STXBP5L: variants seen among roughly 807,000 people sequenced by gnomAD.
STXBP5L encodes the protein syntaxin binding protein 5L.
In STXBP5L, 65 loss-of-function variants were observed where a neutral mutation model predicts 144.5. The observed-to-expected ratio is 0.45, with a 90% CI of 0.37 to 0.55. The LOEUF (loss-of-function observed/expected upper bound fraction) is 0.55. Ranked by LOEUF, STXBP5L falls within the 20% of genes least tolerant of loss-of-function variation. STXBP5L has a pLI of 0.00. For synonymous variants in STXBP5L, 505 were observed against 469.6 expected, an observed-to-expected ratio of 1.08 and a Z score of -0.97; for missense variants, 1,298 against 1,405.5, an observed-to-expected ratio of 0.92 and a Z score of 1.22.
At chr3:121,272,009 G>C (rs187292341) in intron 18 of STXBP5L, among the ~76,000 whole-genome samples, 1 of 152,190 alleles carries the variant, frequency 6.6e-6, no homozygotes, top group Non-Finnish European at 1.5e-5. Flanking sequence ...AAAGGTACTT[G>C]ATATGATTTC....
intron 9 of STXBP5L, among the ~76,000 whole-genome samples, chr3:121,179,979 G>A (rs2047080097): frequency 6.6e-6 from 1 of 152,134 alleles, no homozygotes; most frequent in Non-Finnish European, 1.5e-5. Flanking sequence ...TGTTCCTGAG[G>A]AAGAATAGAA....
chr3:121,078,354 T>C (rs1198021653), intron 5 of STXBP5L, among the ~76,000 whole-genome samples: 7 of 152,130 alleles, frequency 4.6e-5, no homozygotes. Flanking sequence ...TGCTGATTGG[T>C]GTGTTTACAA....
intron 3 of STXBP5L, among the ~76,000 whole-genome samples, chr3:121,001,488 C>A (rs947657326): frequency 9.2e-5 from 14 of 152,180 alleles, no homozygotes; most frequent in African/African-American, 3.4e-4. Context: ...GGATGGGTAT[C>A]CCTGGCTGTG....
At chr3:121,122,750 A>G (rs1412991573) in intron 7 of STXBP5L, among the ~76,000 whole-genome samples, 2 of 151,492 alleles carry the variant, frequency 1.3e-5, no homozygotes, top group African/African-American at 2.4e-5. Flanking sequence ...AAAGTATTCA[A>G]AGATGCTTGT....
At chr3:121,196,079 G>A (rs2047907282) in intron 9 of STXBP5L, among the ~76,000 whole-genome samples, 2 of 151,384 alleles carry the variant, frequency 1.3e-5, no homozygotes, top group African/African-American at 4.9e-5. Context: ...TTCTATTTCT[G>A]TAGAGTATTT....
chr3:121,372,314 G>C (rs977807942), intron 20 of STXBP5L, among the ~76,000 whole-genome samples: 1 of 152,176 alleles, frequency 6.6e-6, no homozygotes, highest in Admixed American at 6.5e-5. Context: ...AGGCCTCACA[G>C]TTTCCCTAGG....
intron 5 of STXBP5L, among the ~76,000 whole-genome samples, chr3:121,075,752 C>G (rs1244787119): frequency 6.6e-6 from 1 of 152,158 alleles, no homozygotes; most frequent in Admixed American, 6.5e-5. Flanking sequence ...AGGAGTGCCT[C>G]TTGATACTGC....
intron 3 of STXBP5L, among the ~76,000 whole-genome samples, chr3:120,971,797 CACAT>C (rs1940298069): frequency 1.3e-5 from 2 of 150,988 alleles, no homozygotes; most frequent in African/African-American, 4.9e-5. Flanking sequence ...TATATATACA[CACAT>C]ATATATATAT....
chr3:121,400,133 G>A (rs573118989), intron 22 of STXBP5L, among the ~76,000 whole-genome samples: 83 of 152,284 alleles, frequency 5.5e-4, no homozygotes, highest in Middle Eastern at 3.4e-3. Flanking sequence ...TTTATCTTTT[G>A]ATGTATGCTT....
chr3:121,343,341 A>G (rs2044808475), intron 20 of STXBP5L, among the ~76,000 whole-genome samples: 1 of 152,092 alleles, frequency 6.6e-6, no homozygotes, highest in African/African-American at 2.4e-5. Context: ...GAAGCTCTTT[A>G]CAGGGATGCC....
rs560637233 is a variant in STXBP5L, at chr3:121,014,996, A to T, written c.288-26704A>T. ...CTCTATACTGAAAATTATAAAACAC[A>T]GCAGATAGAAATTATAGAAGACTGA... On this transcript the variant is annotated intron_variant, in intron 3 of 26. Coordinates refer to ENST00000471454, the MANE Select transcript of STXBP5L (RefSeq NM_001308330.2). 6.6e-4 allele frequency among the ~76,000 whole-genome samples: 101 copies of T among 152,248 alleles called. 1 individual carries two copies. Among genetic ancestry groups the T allele is most frequent in the Admixed American group, 2.3e-3 (35 of 15,274 alleles).
intron 5 of STXBP5L, among the ~76,000 whole-genome samples, chr3:121,050,115 T>G (rs1947847308): frequency 2.6e-5 from 4 of 152,118 alleles, no homozygotes. Context: ...CCCTGATAAA[T>G]CCCCATGTTT....
At chr3:120,980,623 A>G (rs1297714142) in intron 3 of STXBP5L, among the ~76,000 whole-genome samples, 1 of 152,132 alleles carries the variant, frequency 6.6e-6, no homozygotes. Flanking sequence ...TCTTATAAGA[A>G]GCTATCATTG....
chr3:121,110,689 C>G (rs1319647954), intron 5 of STXBP5L, among the ~76,000 whole-genome samples: 1 of 152,096 alleles, frequency 6.6e-6, no homozygotes, highest in Non-Finnish European at 1.5e-5. Context: ...CTTACAGAAT[C>G]TGATATTATG....
At chr3:121,150,411 G>T (rs2045890863) in intron 7 of STXBP5L, among the ~76,000 whole-genome samples, 4 of 152,028 alleles carry the variant, frequency 2.6e-5, no homozygotes, top group Admixed American at 2.6e-4. Flanking sequence ...GAGTGGCCTT[G>T]TCTAATGTCT....
At chr3:121,111,058 GT>G (rs1486820892) in intron 5 of STXBP5L, among the ~76,000 whole-genome samples, 16 of 152,092 alleles carry the variant, frequency 1.1e-4, no homozygotes, top group Non-Finnish European at 1.5e-5. Flanking sequence ...GCATTGTGAA[GT>G]TCTCATGTTG....
chr3:121,059,682 G>T (rs747159298), intron 5 of STXBP5L, among the ~76,000 whole-genome samples: 12 of 152,036 alleles, frequency 7.9e-5, no homozygotes, highest in Non-Finnish European at 1.5e-4. Context: ...CCTCGAAGAG[G>T]TCCTTCACAT....
chr3:121,276,972 G>A (rs986403241), intron 18 of STXBP5L, among the ~76,000 whole-genome samples: 2 of 151,696 alleles, frequency 1.3e-5, no homozygotes, highest in African/African-American at 4.8e-5. Flanking sequence ...CTCCAATTAT[G>A]GAGTTTTGTT....
chr3:121,123,566 GA>G (rs895170122), intron 7 of STXBP5L, among the ~76,000 whole-genome samples: 67 of 143,168 alleles, frequency 4.7e-4, no homozygotes, highest in African/African-American at 1.3e-3. Flanking sequence ...AAATGCCTAA[GA>G]AAAAAAAAAG....
Sources: allele counts gnomAD v4.1 joint callset (sites outside exome capture counted in the v4.1 genomes callset), GRCh38; gene constraint gnomAD v4.1.1; transcripts MANE v1.5; gene names NCBI Gene and HGNC (gene_info 2026-07-23, HGNC 2026-07-21).